The following SH3YL1 variants were observed in gnomAD, a reference collection of about 807,000 sequenced individuals.
The protein encoded by SH3YL1 is SH3 and SYLF domain containing 1.
SH3YL1 carries 41 observed loss-of-function variants against 45.8 expected under a neutral mutation model. The ratio of observed to expected loss-of-function variants is 0.89; its 90% CI spans 0.70 to 1.16. The LOEUF is 1.16. Among genes scored for constraint, SH3YL1 ranks in the 50% most tolerant of loss-of-function variants. The pLI is 0.00. For missense variants in SH3YL1, 389 were observed against 409.6 expected (o/e 0.95, Z 0.43); for synonymous variants, 152 against 151.4 (o/e 1.00, Z -0.03).
At chr2:223,801 C>T (rs956258718) in intron 9 of SH3YL1, among the ~76,000 whole-genome samples, 1 of 152,178 alleles carries the variant, frequency 6.6e-6, no homozygotes, top group African/African-American at 2.4e-5. Flanking sequence ...CCCCGACCAT[C>T]GCACCTGCTC....
At chr2:245,688 T>C (rs934473888) in intron 4 of SH3YL1, among the ~76,000 whole-genome samples, 3 of 152,150 alleles carry the variant, frequency 2.0e-5, no homozygotes, top group African/African-American at 4.8e-5. Context: ...CTGTCTCGTA[T>C]TGTCTTTTAA....
At chr2:243,431 TG>T in intron 4 of SH3YL1, 1 of 1,399,274 alleles carries the variant, frequency 7.1e-7, no homozygotes, top group East Asian at 2.6e-5. Flanking sequence ...AAATAACAAA[TG>T]GCTCAAAGAA....
chr2:242,061 T>C (rs1668568911), intron 4 of SH3YL1: 1 of 152,052 alleles, frequency 6.6e-6, no homozygotes, highest in Non-Finnish European at 1.5e-5. Context: ...AAATAAATTT[T>C]TTCTATATTT....
chr2:238,348 C>T (rs1668397853), intron 4 of SH3YL1, among the ~76,000 whole-genome samples: 1 of 151,138 alleles, frequency 6.6e-6, no homozygotes, highest in Non-Finnish European at 1.5e-5. Context: ...GTGGAGCGTC[C>T]TTCCAGCAAC....
At chr2:257,412 T>C (rs200986479) in intron 1 of SH3YL1, among the ~76,000 whole-genome samples, 2 of 152,234 alleles carry the variant, frequency 1.3e-5, no homozygotes, top group East Asian at 3.8e-4. Context: ...AAGAACTCCA[T>C]ACTTCAATAT....
chr2:221,559 A>G (rs991078937), intron 9 of SH3YL1, among the ~76,000 whole-genome samples: 1 of 152,156 alleles, frequency 6.6e-6, no homozygotes, highest in Non-Finnish European at 1.5e-5. Context: ...GTGAGAGAGG[A>G]GGGTAGAGGA....
chr2:250,603 A>C (rs1458771390), intron 2 of SH3YL1, among the ~76,000 whole-genome samples: 1 of 152,246 alleles, frequency 6.6e-6, no homozygotes, highest in East Asian at 1.9e-4. Flanking sequence ...GGGAAGCCTA[A>C]CATATAACTT....
Position 218,863 on chromosome 2 carries a change from T to C in SH3YL1, c.977A>G (p.Lys326Arg). Residue 326 changes from lysine to arginine, a missense_variant, in exon 10 of 10, where the codon AAA becomes AGA. Lys to Arg is a conservative substitution (Grantham distance 26, BLOSUM62 2). Transcript: ENST00000356150. Reference sequence around the variant, plus strand: ...AAAAATGCCAGTTTGACCTCGAAGTTTTCCTTCCCACCAATCAAAATGTGA... The same window carrying C: ...AAAAATGCCAGTTTGACCTCGAAGTCTTCCTTCCCACCAATCAAAATGTGA... Reference protein sequence around the residue: ...TDSHFDWWEGKLRGQTGIFPA... With the variant: ...TDSHFDWWEGRLRGQTGIFPA... The C allele has an allele frequency of 6.2e-7, 1 of 1,614,086 alleles. No individual in the cohort carries two copies. The highest frequency in any genetic ancestry group is 8.5e-7 in the Non-Finnish European group (1 of 1,179,960).
chr2:226,630 T>C (rs1434361203), intron 8 of SH3YL1, among the ~76,000 whole-genome samples: 2 of 152,004 alleles, frequency 1.3e-5, no homozygotes, highest in African/African-American at 4.8e-5. Context: ...AGAATGTATA[T>C]AGTGAGGAAT....
chr2:253,291 A>T (rs34931255), intron 1 of SH3YL1, among the ~76,000 whole-genome samples, 176 bp from the exon 2 acceptor site: 6 of 152,146 alleles, frequency 3.9e-5, no homozygotes, highest in African/African-American at 1.4e-4. Flanking sequence ...CATTCCCAGA[A>T]GGTTAGGCAT....
intron 8 of SH3YL1, among the ~76,000 whole-genome samples, chr2:228,216 G>A (rs1667868550): frequency 6.6e-6 from 1 of 152,142 alleles, no homozygotes; most frequent in South Asian, 2.1e-4. Context: ...CACCGGCAGG[G>A]ACACAGCTGT....
rs547923751 is a variant in SH3YL1 at position 231,799 on chromosome 2, A to G, written c.534-608T>C. On this transcript the variant is annotated intron_variant, in intron 6 of 9. Coordinates refer to ENST00000356150, the MANE Select transcript of SH3YL1 (RefSeq NM_015677.4). ...TTTGTTAACTGTTCTCAAATTAATAAAGCCAGGAGTTAACACATCACTTTT... is the reference window on the plus strand; with the variant it reads ...TTTGTTAACTGTTCTCAAATTAATAGAGCCAGGAGTTAACACATCACTTTT... Among the ~76,000 whole-genome samples, 5 of 152,366 alleles carry G rather than the reference A, an allele frequency of 3.3e-5. No homozygotes were observed. In the South Asian group the frequency reaches 1.0e-3, roughly 32 times the overall value.
chr2:242,763 G>T (rs1469894694), intron 4 of SH3YL1: 1 of 1,505,342 alleles, frequency 6.6e-7, no homozygotes, highest in Non-Finnish European at 8.9e-7. Context: ...CCAATTATAT[G>T]CTCCATAGGA....
chr2:246,679 G>A (rs1668828743), intron 4 of SH3YL1, among the ~76,000 whole-genome samples: 1 of 152,080 alleles, frequency 6.6e-6, no homozygotes, highest in African/African-American at 2.4e-5. Flanking sequence ...TCCACCAGAG[G>A]GCGATATTTT....
Position 249,773 on chromosome 2 carries a change from T to C in SH3YL1, c.184A>G (p.Arg62Gly). 3 of 1,551,944 alleles carry C rather than the reference T, an allele frequency of 1.9e-6. No homozygotes were observed. Among genetic ancestry groups the C allele is most frequent in the Non-Finnish European group, 2.6e-6 (3 of 1,147,036 alleles). The change falls in exon 3 of 10, where the codon AGA becomes GGA. Residue 62 changes from arginine to glycine, a missense_variant. Physicochemically the swap from Arg to Gly is moderately radical, Grantham distance 125 (BLOSUM62 -2). Coordinates refer to ENST00000356150, the MANE Select transcript of SH3YL1 (RefSeq NM_015677.4). The stretch of plus-strand genomic sequence containing the variant: ...GCCACTACAATCCCGCTGCCTCCTC[T>C]GGCAGTCACCAGGAACCCGGCTTTG... Reference protein sequence around the residue: ...VIKAGFLVTARGGSGIVVARL... With the variant: ...VIKAGFLVTAGGGSGIVVARL...
At chr2:239,771 G>C (rs1436632657) in intron 4 of SH3YL1, 1 of 152,068 alleles carries the variant, frequency 6.6e-6, no homozygotes, top group African/African-American at 2.4e-5. Flanking sequence ...AACCGTAACT[G>C]GTAAAAATTA....
intron 4 of SH3YL1, among the ~76,000 whole-genome samples, chr2:245,709 G>A (rs947293577): frequency 1.3e-5 from 2 of 152,026 alleles, no homozygotes; most frequent in African/African-American, 4.8e-5. Flanking sequence ...AAATAATACT[G>A]GTTTGAGAGG....
At chr2:248,586 C>T (rs1454658643) in intron 3 of SH3YL1, among the ~76,000 whole-genome samples, 1 of 152,064 alleles carries the variant, frequency 6.6e-6, no homozygotes, top group African/African-American at 2.4e-5. Context: ...GTTTTAAAAC[C>T]AGTAGAAAGG....
At chr2:236,223 C>A (rs1489603463) in intron 4 of SH3YL1, among the ~76,000 whole-genome samples, 1 of 135,898 alleles carries the variant, frequency 7.4e-6, no homozygotes, top group Non-Finnish European at 1.6e-5. Flanking sequence ...GAGGCAGCAG[C>A]ATGGGCCAGG....
Sources: gnomAD v4.1 joint callset for allele counts (sites outside exome capture counted in the v4.1 genomes callset) on GRCh38, gnomAD v4.1.1 for gene constraint, MANE v1.5 for transcripts, NCBI Gene and HGNC (gene_info 2026-07-23, HGNC 2026-07-21) for gene names.